Variants in GLRA2 observed in about 807,000 individuals in gnomAD.
GLRA2 encodes glycine receptor subunit alpha-2.
GLRA2 carries 11 observed loss-of-function variants against 31.6 expected under a neutral mutation model. That is an observed-to-expected ratio of 0.35 (90% confidence interval 0.22 to 0.58). The LOEUF (loss-of-function observed/expected upper bound fraction) is 0.58. Among genes scored for constraint, GLRA2 ranks in the 20% least tolerant of loss-of-function variants. The pLI, the probability that GLRA2 is intolerant of heterozygous loss-of-function variation, is 0.84. For synonymous variants in GLRA2, 132 were observed against 134.0 expected (o/e 0.99, Z 0.10); for missense variants, 212 against 351.8 (o/e 0.60, Z 3.18).
intron 4 of GLRA2, among the ~76,000 whole-genome samples, chrX:14,597,967 A>G (rs2090225901): frequency 8.9e-6 from 1 of 111,874 alleles, no homozygotes; most frequent in Non-Finnish European, 1.9e-5. Context: ...TCTGAGAATT[A>G]TGATTATTAA....
the GLRA2 span, among the ~76,000 whole-genome samples, chrX:14,510,150 A>G: frequency 9.0e-6 from 1 of 111,376 alleles, no homozygotes; most frequent in Admixed American, 9.6e-5. Flanking sequence ...GGATGGTAAA[A>G]CACCCAGGGA....
At chrX:14,527,986 T>G (rs1274024020), upstream of GLRA2, among the ~76,000 whole-genome samples, 1 of 112,445 alleles carries the variant, frequency 8.9e-6, no homozygotes, top group Non-Finnish European at 1.9e-5. Context: ...GAAAACATAT[T>G]TGAAGAATTG....
intron 8 of GLRA2, among the ~76,000 whole-genome samples, chrX:14,702,980 G>A (rs1013839507): frequency 9.0e-6 from 1 of 111,420 alleles, no homozygotes; most frequent in Non-Finnish European, 1.9e-5. Flanking sequence ...GCTGCACAGT[G>A]GGGGAGCCTC....
chrX:14,713,638 T>C (rs1258187800), intron 8 of GLRA2, among the ~76,000 whole-genome samples: 1 of 111,606 alleles, frequency 9.0e-6, no homozygotes, highest in African/African-American at 3.3e-5. Context: ...GAGTGAAAAA[T>C]ATATTTCACT....
At chrX:14,690,539 T>A in intron 7 of GLRA2, among the ~76,000 whole-genome samples, 171 bp from the exon 8 acceptor site, 1 of 112,108 alleles carries the variant, frequency 8.9e-6, no homozygotes, top group Non-Finnish European at 1.9e-5. Context: ...CAAAGTAGAA[T>A]CAATGGCTTA....
At chrX:14,606,759 T>A (rs1388891734) in intron 5 of GLRA2, among the ~76,000 whole-genome samples, 3 of 112,215 alleles carry the variant, frequency 2.7e-5, no homozygotes, top group African/African-American at 9.7e-5. Flanking sequence ...TTGGATTGTC[T>A]TATTGGATTG....
intron 7 of GLRA2, among the ~76,000 whole-genome samples, chrX:14,686,216 A>T (rs1014724214): frequency 1.9e-4 from 21 of 111,441 alleles, no homozygotes; most frequent in African/African-American, 6.5e-4. Context: ...TTTGCTGAGG[A>T]GTGCTTTACT....
intron 4 of GLRA2, among the ~76,000 whole-genome samples, chrX:14,597,679 A>T (rs2090222147): frequency 1.8e-5 from 2 of 112,101 alleles, no homozygotes; most frequent in Admixed American, 1.9e-4. Flanking sequence ...TGCTGGCTTC[A>T]TAGACAAAAG....
chrX:14,580,861 C>A (rs2090008892), intron 3 of GLRA2, among the ~76,000 whole-genome samples: 1 of 111,356 alleles, frequency 9.0e-6, no homozygotes. Context: ...AGACTGATTT[C>A]TGTGTTCATT....
intron 8 of GLRA2, among the ~76,000 whole-genome samples, chrX:14,717,345 T>TA (rs766206290): frequency 0.31 from 28,503 of 91,216 alleles, 3,413 homozygotes; most frequent in African/African-American, 0.36. Flanking sequence ...CTTAAGAAAG[T>TA]AAAAAAAAAA....
intron 7 of GLRA2, among the ~76,000 whole-genome samples, chrX:14,680,171 C>T (rs1264098060): frequency 8.9e-6 from 1 of 112,211 alleles, no homozygotes; most frequent in African/African-American, 3.2e-5. Flanking sequence ...CTATAATATG[C>T]TGCTCCATGA....
At position 14,529,560 on chromosome X, in the gene GLRA2, A is replaced by G. The variant is rs1010181942; in HGVS notation, c.-498A>G. ...CGTCTCATTCTATAGCCCTCATTCC[A>G]GCACAGGATCTCAGCAATTTTTCCC... is the stretch of plus-strand genomic sequence containing the variant. On this transcript the variant is annotated 5_prime_UTR_variant, in exon 1 of 9. Coordinates refer to ENST00000218075, the MANE Select transcript of GLRA2 (RefSeq NM_002063.4). 4.7e-5 allele frequency: 6 copies of G among 128,055 alleles called. No individual in the cohort carries two copies. Among genetic ancestry groups the G allele is most frequent in the Non-Finnish European group, 9.3e-5 (6 of 64,461 alleles). The allele number at this position is 128,055 out of a possible 1,213,427, so 10.6% of individuals were successfully genotyped here.
the GLRA2 span, among the ~76,000 whole-genome samples, chrX:14,476,127 T>C: frequency 8.9e-6 from 1 of 112,026 alleles, no homozygotes; most frequent in Non-Finnish European, 1.9e-5. Flanking sequence ...GGACTGATGC[T>C]GCTTCTCCAA....
chrX:14,681,910 A>AAAAAAAAATAT (rs758563376), intron 7 of GLRA2, among the ~76,000 whole-genome samples: 1 of 41,294 alleles, frequency 2.4e-5, no homozygotes, highest in African/African-American at 1.2e-4. Flanking sequence ...AAAAAAAAAA[A>AAAAAAAAATAT]ATATATATAT....
chrX:14,560,352 C>T (rs764983745), intron 2 of GLRA2, among the ~76,000 whole-genome samples: 1 of 111,714 alleles, frequency 9.0e-6, no homozygotes, highest in African/African-American at 3.2e-5. Context: ...TCTTGGAACT[C>T]AAAGATTTCC....
chrX:14,459,641 A>G, the GLRA2 span, among the ~76,000 whole-genome samples: 4 of 111,678 alleles, frequency 3.6e-5, no homozygotes, highest in East Asian at 5.6e-4. Context: ...AGCAATTGTG[A>G]ATGGGAGTTC....
chrX:14,728,445 C>T (rs1029279242), intron 8 of GLRA2, among the ~76,000 whole-genome samples: 2 of 111,655 alleles, frequency 1.8e-5, no homozygotes, highest in African/African-American at 3.3e-5. Context: ...GCACTAGGTG[C>T]AGTCATTAAT....
intron 7 of GLRA2, among the ~76,000 whole-genome samples, chrX:14,656,369 C>A (rs2090940674): frequency 1.8e-5 from 2 of 112,285 alleles, no homozygotes; most frequent in South Asian, 7.3e-4. Context: ...GTTGTATATT[C>A]TGTGTTAGAC....
rs1556184248 is a variant in GLRA2, at chrX:14,731,412, G to GTAT, written c.*929_*931dup. On this transcript the variant is annotated 3_prime_UTR_variant, in exon 9 of 9. Transcript: ENST00000218075. ...TAGTCATTGCAGCTACTCAGCTACA[G>GTAT]TATTTATGGAGATGGTGTGTCCTGA... is the stretch of plus-strand genomic sequence containing the variant. The GTAT allele has an allele frequency of 8.9e-6, 1 of 111,873 alleles. No homozygotes were observed. The highest frequency in any genetic ancestry group is 3.3e-5 in the African/African-American group (1 of 30,680). 9.2% of individuals were successfully genotyped at this position (111,873 alleles called of 1,213,427 possible). A position where few individuals can be genotyped will look rare whatever the true frequency, so the allele number is the denominator to read the frequency against.
Sources: allele counts gnomAD v4.1 joint callset (sites outside exome capture counted in the v4.1 genomes callset), GRCh38; gene constraint gnomAD v4.1.1; transcripts MANE v1.5; gene names NCBI Gene and HGNC (gene_info 2026-07-23, HGNC 2026-07-21).